FAM185A: variants seen among roughly 807,000 people sequenced by gnomAD.
FAM185A encodes family with sequence similarity 185 member A, also known as protein FAM185A.
Under a neutral mutation model 45.7 loss-of-function variants are expected in FAM185A, and 21 were observed. That is an observed-to-expected ratio of 0.46 (90% CI 0.33 to 0.66). FAM185A has a LOEUF of 0.66. FAM185A is among the 30% of genes least tolerant of loss of function. The pLI is 0.03. For synonymous variants in FAM185A, 117 were observed against 194.0 expected, an observed-to-expected ratio of 0.60 and a Z score of 3.30; for missense variants, 305 against 485.4, an observed-to-expected ratio of 0.63 and a Z score of 3.49.
chr7:102,759,663 G>T (rs1793991875), intron 3 of FAM185A, among the ~76,000 whole-genome samples: 1 of 152,038 alleles, frequency 6.6e-6, no homozygotes, highest in South Asian at 2.1e-4. Context: ...CATTCACTAA[G>T]CTCTATAACT....
chr7:102,831,394 GACACACACACACACAC>G, the FAM185A span, among the ~76,000 whole-genome samples: 47 of 141,568 alleles, frequency 3.3e-4, no homozygotes, highest in African/African-American at 1.1e-3. Flanking sequence ...CAGTGCCCGG[GACACACACACACACAC>G]ACACACACAC....
chr7:102,792,239 C>T (rs1373465684), intron 7 of FAM185A, among the ~76,000 whole-genome samples: 1 of 151,602 alleles, frequency 6.6e-6, no homozygotes, highest in African/African-American at 2.4e-5. Flanking sequence ...TGATAAATAA[C>T]TCAGGTGTAT....
the FAM185A span, among the ~76,000 whole-genome samples, chr7:102,814,832 T>C: frequency 0.19 from 29,638 of 152,216 alleles, 3,431 homozygotes; most frequent in East Asian, 0.59. Flanking sequence ...AATCTTTTTT[T>C]AAGGTGCTAG....
intron 7 of FAM185A, among the ~76,000 whole-genome samples, chr7:102,792,585 T>G (rs1796201512): frequency 2.0e-5 from 2 of 102,440 alleles, no homozygotes; most frequent in Admixed American, 1.2e-4. Context: ...AGTCCTTTGG[T>G]CTTTACAACT....
the FAM185A span, among the ~76,000 whole-genome samples, chr7:102,838,698 T>C: frequency 6.6e-6 from 1 of 152,104 alleles, no homozygotes; most frequent in East Asian, 1.9e-4. Context: ...GGATCTAGGG[T>C]TGTGCAGGAT....
chr7:102,817,309 C>T, the FAM185A span, among the ~76,000 whole-genome samples: 18 of 151,926 alleles, frequency 1.2e-4, no homozygotes, highest in Admixed American at 5.3e-4. Flanking sequence ...CTGATTGGTG[C>T]GAGATGATAC....
intron 4 of FAM185A, among the ~76,000 whole-genome samples, chr7:102,765,742 G>A (rs1324758676): frequency 2.0e-5 from 3 of 151,758 alleles, no homozygotes; most frequent in Non-Finnish European, 4.4e-5. Context: ...TTGTATAGTT[G>A]GTTGAATCAC....
intron 2 of FAM185A, chr7:102,755,442 C>T (rs1793651365): frequency 9.2e-6 from 6 of 655,660 alleles, no homozygotes; most frequent in Non-Finnish European, 1.6e-5. Context: ...TTAAGCTGGC[C>T]CACAAATACA....
intron 7 of FAM185A, among the ~76,000 whole-genome samples, chr7:102,788,052 C>A (rs1177828461): frequency 3.9e-5 from 6 of 152,116 alleles, no homozygotes; most frequent in Non-Finnish European, 8.8e-5. Flanking sequence ...GCAACCTCCG[C>A]CTCCCGGGTT....
chr7:102,831,176 A>G, the FAM185A span, among the ~76,000 whole-genome samples: 1 of 152,304 alleles, frequency 6.6e-6, no homozygotes, highest in Admixed American at 6.5e-5. Flanking sequence ...TCAGTTGGAA[A>G]AAGTGCTTGA....
chr7:102,762,416 A>T (rs1042625317), intron 4 of FAM185A, among the ~76,000 whole-genome samples: 1 of 152,228 alleles, frequency 6.6e-6, no homozygotes, highest in African/African-American at 2.4e-5. Context: ...TGAAATATAT[A>T]CAGATAGAAT....
At chr7:102,809,539 C>T (rs1465562382), downstream of FAM185A, among the ~76,000 whole-genome samples, 1 of 151,164 alleles carries the variant, frequency 6.6e-6, no homozygotes, top group Non-Finnish European at 1.5e-5. Context: ...ACAAGAAATA[C>T]AAAAAAAAGA....
At chr7:102,770,661 C>T (rs1483650288) in intron 4 of FAM185A, among the ~76,000 whole-genome samples, 1 of 152,142 alleles carries the variant, frequency 6.6e-6, no homozygotes, top group African/African-American at 2.4e-5. Context: ...GAGATATCAT[C>T]TCACACCAGT....
At chr7:102,795,845 CA>C (rs1796413013) in intron 7 of FAM185A, among the ~76,000 whole-genome samples, 1 of 151,914 alleles carries the variant, frequency 6.6e-6, no homozygotes, top group African/African-American at 2.4e-5. Context: ...AAACTATTTC[CA>C]AGTAACTTAA....
chr7:102,757,798 T>C (rs575140681), intron 2 of FAM185A, 56 bp from the exon 3 acceptor site: 13 of 1,270,264 alleles, frequency 1.0e-5, no homozygotes, highest in East Asian at 2.5e-5. Flanking sequence ...GTTTCACTAG[T>C]ATAAGTCACA....
At chr7:102,835,568 A>G in the FAM185A span, among the ~76,000 whole-genome samples, 1 of 151,880 alleles carries the variant, frequency 6.6e-6, no homozygotes, top group Non-Finnish European at 1.5e-5. Context: ...TTAATAATAC[A>G]AGAATTTTTA....
At chr7:102,811,439 A>T (rs1371162095), downstream of FAM185A, among the ~76,000 whole-genome samples, 2 of 152,170 alleles carry the variant, frequency 1.3e-5, no homozygotes, top group Non-Finnish European at 2.9e-5. Flanking sequence ...TTCATAGCTC[A>T]CTTTTTCTAC....
downstream of FAM185A, chr7:102,813,087 G>T (rs752212403): frequency 1.2e-5 from 4 of 320,522 alleles, no homozygotes; most frequent in South Asian, 5.9e-5. Flanking sequence ...TGGTCCACCC[G>T]CCTTGGCCTA....
chr7:102,835,043 A>C, the FAM185A span, among the ~76,000 whole-genome samples: 7 of 152,188 alleles, frequency 4.6e-5, no homozygotes, highest in African/African-American at 1.7e-4. Flanking sequence ...AATAATAATA[A>C]AGATGCACAA....
Sources: allele counts gnomAD v4.1 joint callset (sites outside exome capture counted in the v4.1 genomes callset), GRCh38; gene constraint gnomAD v4.1.1; transcripts MANE v1.5; gene names NCBI Gene and HGNC (gene_info 2026-07-23, HGNC 2026-07-21).